The following CLTC variants were observed in gnomAD, a reference collection of about 807,000 sequenced individuals.
CLTC encodes clathrin heavy chain, also known as clathrin heavy chain 1.
CLTC carries 16 observed loss-of-function variants against 195.8 expected under a neutral mutation model. The ratio of observed to expected loss-of-function variants is 0.08; its 90% CI spans 0.06 to 0.12. CLTC has a LOEUF of 0.12. CLTC is among the 10% of genes least tolerant of loss of function. The pLI, the probability that CLTC is intolerant of heterozygous loss-of-function variation, is 1.00. For synonymous variants in CLTC, 667 were observed against 689.4 expected (o/e 0.97, Z 0.51); for missense variants, 796 against 2,027.0 (o/e 0.39, Z 11.66).
intron 1 of CLTC, among the ~76,000 whole-genome samples, chr17:59,626,689 C>T (rs377756125): frequency 3.9e-5 from 6 of 152,144 alleles, no homozygotes; most frequent in Admixed American, 6.5e-5. Context: ...TGAAATAAAC[C>T]TGTCTTCTGA....
intron 10 of CLTC, among the ~76,000 whole-genome samples, chr17:59,665,714 G>A (rs1365749400): frequency 5.3e-5 from 8 of 152,030 alleles, no homozygotes; most frequent in Non-Finnish European, 8.8e-5. Context: ...GGTGGCAGAC[G>A]CCTGTAATCC....
chr17:59,624,710 C>G (rs545870076), intron 1 of CLTC, among the ~76,000 whole-genome samples: 1 of 152,084 alleles, frequency 6.6e-6, no homozygotes, highest in Non-Finnish European at 1.5e-5. Context: ...TTCAAATGAT[C>G]TGCCCACCTC....
At chr17:59,684,264 C>G (rs2033134026) in intron 28 of CLTC, 1 of 293,070 alleles carries the variant, frequency 3.4e-6, no homozygotes, top group African/African-American at 2.2e-5. Context: ...ATGTCTTTGA[C>G]CACTTAACTA....
intron 31 of CLTC, among the ~76,000 whole-genome samples, chr17:59,691,561 T>A (rs1397539202): frequency 2.0e-5 from 3 of 150,664 alleles, no homozygotes; most frequent in South Asian, 4.2e-4. Context: ...GAGGCAGAGG[T>A]TGCAGTGAGC....
At chr17:59,625,224 T>G (rs142170455) in intron 1 of CLTC, among the ~76,000 whole-genome samples, 60 of 152,168 alleles carry the variant, frequency 3.9e-4, no homozygotes, top group Admixed American at 7.2e-4. Flanking sequence ...TTCTTCTGCC[T>G]CTGCCTCCCG....
intron 1 of CLTC, among the ~76,000 whole-genome samples, chr17:59,621,435 A>C (rs1254087892): frequency 1.3e-5 from 2 of 152,240 alleles, no homozygotes; most frequent in African/African-American, 4.8e-5. Flanking sequence ...TTACCATTGA[A>C]GACCATTTTT....
intron 31 of CLTC, 30 bp from the exon 32 acceptor site, chr17:59,693,698 C>G (rs765342055): frequency 3.1e-6 from 5 of 1,601,108 alleles, no homozygotes; most frequent in Admixed American, 3.4e-5. Context: ...GCCCCTGCCC[C>G]CTGCTCCTTT....
chr17:59,684,761 A>T (rs2033145045), intron 28 of CLTC, among the ~76,000 whole-genome samples: 1 of 147,936 alleles, frequency 6.8e-6, no homozygotes, highest in South Asian at 2.2e-4. Flanking sequence ...CCCAGATTGC[A>T]TCACCACTGC....
At chr17:59,669,399 ATATTGT>A (rs2032797777) in intron 14 of CLTC, among the ~76,000 whole-genome samples, 1 of 152,166 alleles carries the variant, frequency 6.6e-6, no homozygotes, top group South Asian at 2.1e-4. Flanking sequence ...AGAAACTAAA[ATATTGT>A]TATTCATATA....
intron 1 of CLTC, among the ~76,000 whole-genome samples, chr17:59,625,782 G>A (rs568407603): frequency 5.9e-5 from 9 of 151,998 alleles, no homozygotes; most frequent in South Asian, 4.1e-4. Flanking sequence ...TTAAAATTAC[G>A]GTAACCACAT....
chr17:59,651,131 G>A, intron 4 of CLTC, 72 bp from the exon 5 acceptor site: 1 of 907,604 alleles, frequency 1.1e-6, no homozygotes, highest in Admixed American at 2.1e-5. Flanking sequence ...CCATTTGGGG[G>A]CTACAAATAA....
At chr17:59,664,962 G>T in intron 10 of CLTC, 53 bp downstream of exon 10, 2 of 1,598,454 alleles carry the variant, frequency 1.3e-6, no homozygotes, top group Non-Finnish European at 8.5e-7. Flanking sequence ...GAGAGTGGGG[G>T]CCAGCCATGG....
chr17:59,664,854 A>G lies in CLTC; in HGVS notation c.1589A>G (p.Gln530Arg). 1 of 1,614,146 alleles carries G rather than the reference A, an allele frequency of 6.2e-7. No homozygotes were observed. The highest frequency in any genetic ancestry group is 8.5e-7 in the Non-Finnish European group (1 of 1,179,990). ...ATGCGAATCAGTCCAGATCAGGGACAGCAGTTTGCCCAAATGTTAGTTCAA... is the reference window on the plus strand; with the variant it reads ...ATGCGAATCAGTCCAGATCAGGGACGGCAGTTTGCCCAAATGTTAGTTCAA... The part of the protein sequence containing the change: ...NVMRISPDQG[Q>R]QFAQMLVQDE... The change falls in exon 10 of 32, where the codon CAG becomes CGG. Residue 530 changes from glutamine (Q) to arginine (R), a missense_variant. Gln to Arg is a conservative substitution (Grantham distance 43, BLOSUM62 1). Coordinates refer to ENST00000269122, the MANE Select transcript of CLTC (RefSeq NM_004859.4).
rs761755703 is a variant in CLTC, at chr17:59,677,062, G to A, written c.2670G>A (p.Pro890=). The change falls in exon 17 of 32, where the codon CCG becomes CCA. Residue 890 remains proline, a synonymous_variant. Transcript: ENST00000269122. ...AKIYIDSNNN[P]ERFLRENPYY... is the part of the protein sequence containing the mutation. The stretch of plus-strand genomic sequence containing the variant: ...TCTACATAGACAGTAATAACAACCC[G>A]GAGAGATTTCTTCGTGAAAATCCCT... 3.3e-5 allele frequency: 54 copies of A among 1,613,846 alleles called. No homozygotes were observed. The highest frequency in any genetic ancestry group is 4.2e-5 in the Non-Finnish European group (49 of 1,179,982).
At chr17:59,684,182 T>C (rs2033131972) in intron 28 of CLTC, 197 bp downstream of exon 28, 1 of 524,692 alleles carries the variant, frequency 1.9e-6, no homozygotes, top group South Asian at 2.8e-5. Context: ...AGATCTTGTA[T>C]AAGATACTGC....
At chr17:59,673,893 T>C in intron 15 of CLTC, 121 bp downstream of exon 15, 1 of 606,220 alleles carries the variant, frequency 1.6e-6, no homozygotes, top group Non-Finnish European at 2.8e-6. Flanking sequence ...TAACGTGGGA[T>C]TTTTTGTTTT....
At chr17:59,643,713 T>G (rs1337246887) in intron 1 of CLTC, among the ~76,000 whole-genome samples, 1 of 152,238 alleles carries the variant, frequency 6.6e-6, no homozygotes, top group Non-Finnish European at 1.5e-5. Flanking sequence ...CTGCCTCCTT[T>G]GAACACATTG....
rs560130974 is a variant in CLTC at position 59,692,047 on chromosome 17, A to T, written c.4903+1336A>T. ...AAACTGGTTTCTGTTGGCTGGGTGC[A>T]GTGGCTCACGCCTGTAATCCCAGCA... is the stretch of plus-strand genomic sequence containing the variant. On this transcript the variant is annotated intron_variant, in intron 31 of 31. Transcript: ENST00000269122. Among the ~76,000 whole-genome samples the T allele has an allele frequency of 2.0e-5, 3 of 152,226 alleles. No homozygotes were observed. In the East Asian group the frequency reaches 5.8e-4, roughly 29 times the overall value.
rs573407051 is a variant in CLTC, at chr17:59,693,648, T to C, written c.4904-80T>C. The C allele has an allele frequency of 1.0e-5, 15 of 1,464,790 alleles. No homozygotes were observed. In the Admixed American group the frequency reaches 2.7e-4, roughly 26 times the overall value. 90.7% of individuals were successfully genotyped at this position (1,464,790 alleles called of 1,614,324 possible). A position where few individuals can be genotyped will look rare whatever the true frequency, so the allele number is the denominator to read the frequency against. ...GATTATGTTGCTAGAGTGGAGGAGA[T>C]TGGAGTGTTCTAAATGCTAACAGTT... On this transcript the variant is annotated intron_variant, in intron 31 of 31. Transcript: ENST00000269122.
Sources: gnomAD v4.1 joint callset for allele counts (sites outside exome capture counted in the v4.1 genomes callset) on GRCh38, gnomAD v4.1.1 for gene constraint, MANE v1.5 for transcripts, NCBI Gene and HGNC (gene_info 2026-07-23, HGNC 2026-07-21) for gene names.